The following DCN variants were observed in gnomAD, a reference collection of about 807,000 sequenced individuals.
DCN encodes bone proteoglycan II.
DCN carries 17 observed loss-of-function variants against 36.5 expected under a neutral mutation model. The ratio of observed to expected loss-of-function variants is 0.47; its 90% CI spans 0.32 to 0.70. The LOEUF (loss-of-function observed/expected upper bound fraction) is 0.70. Ranked by LOEUF, DCN falls within the 30% of genes least tolerant of loss-of-function variation. The pLI is 0.04. For missense variants in DCN, 389 were observed against 430.1 expected (o/e 0.90, Z 0.84); for synonymous variants, 163 against 161.4 (o/e 1.01, Z -0.07).
At chr12:91,157,694 T>C (rs1881879203) in intron 4 of DCN, among the ~76,000 whole-genome samples, 1 of 152,208 alleles carries the variant, frequency 6.6e-6, no homozygotes, top group African/African-American at 2.4e-5. Context: ...AGTGGGGCCA[T>C]CTCGGCTCAC....
intron 3 of DCN, among the ~76,000 whole-genome samples, chr12:91,161,339 A>T (rs1882141728): frequency 6.6e-6 from 1 of 152,242 alleles, no homozygotes; most frequent in Non-Finnish European, 1.5e-5. Flanking sequence ...TTCCAAGTAT[A>T]CTTAAATGTA....
intron 5 of DCN, among the ~76,000 whole-genome samples, chr12:91,153,710 A>G (rs1409281580): frequency 6.6e-6 from 1 of 152,114 alleles, no homozygotes; most frequent in Non-Finnish European, 1.5e-5. Context: ...AGCATCAAAT[A>G]CCTCTGCAAA....
chr12:91,171,307 A>G (rs1033842444), intron 2 of DCN, among the ~76,000 whole-genome samples: 1 of 152,350 alleles, frequency 6.6e-6, no homozygotes, highest in South Asian at 2.1e-4. Context: ...CTTTCTCTAC[A>G]TAATACATAA....
rs781652785 is a variant in DCN at position 91,158,346 on chromosome 12, G to A, written c.488C>T (p.Thr163Ile). ...ATTGAAAGTAACTTTTCGCACTTTG[G>A]TGATCTCATTCTCATGGGCACGCAG... ...QELRAHENEI[T>I]KVRKVTFNGL... The change falls in exon 4 of 8, where the codon ACC becomes ATC. Residue 163 changes from threonine (T) to isoleucine (I), a missense_variant. Physicochemically the swap from Thr to Ile is moderately conservative, Grantham distance 89 (BLOSUM62 -1). Transcript: ENST00000052754. The A allele has an allele frequency of 6.2e-6, 10 of 1,613,726 alleles. No individual in the cohort carries two copies. The African/African-American group carries it at 9.3e-5, about 15-fold the overall frequency.
At chr12:91,178,696 T>C in intron 1 of DCN, 111 bp from the exon 2 acceptor site, 1 of 720,810 alleles carries the variant, frequency 1.4e-6, no homozygotes. Context: ...CAAAATAATA[T>C]TTCATTTGTT....
chr12:91,149,802 CAAATA>C (rs374077641), intron 7 of DCN, among the ~76,000 whole-genome samples: 3 of 151,218 alleles, frequency 2.0e-5, no homozygotes, highest in African/African-American at 7.3e-5. Context: ...TAGCAGCAAA[CAAATA>C]AAAAAATTAA....
intron 2 of DCN, among the ~76,000 whole-genome samples, chr12:91,177,963 A>G (rs1883396140): frequency 6.6e-6 from 1 of 152,184 alleles, no homozygotes; most frequent in Non-Finnish European, 1.5e-5. Flanking sequence ...CTTAATATCT[A>G]ATATTTTATA....
chr12:91,177,723 T>G (rs1281999958), intron 2 of DCN: 1 of 695,902 alleles, frequency 1.4e-6, no homozygotes, highest in African/African-American at 1.8e-5. Context: ...TAGTGATAAA[T>G]ATTTCCTTTG....
chr12:91,153,303 A>G (rs1452787104), intron 5 of DCN, 114 bp from the exon 6 acceptor site: 2 of 728,922 alleles, frequency 2.7e-6, no homozygotes, highest in African/African-American at 1.7e-5. Flanking sequence ...CACAGTTTCA[A>G]AGAATCAGCT....
chr12:91,167,879 CG>C (rs1882687403), intron 2 of DCN, among the ~76,000 whole-genome samples: 1 of 152,100 alleles, frequency 6.6e-6, no homozygotes, highest in African/African-American at 2.4e-5. Context: ...CTTGCTCTGT[CG>C]CTCAGCCTGG....
chr12:91,148,752 T>G (rs1267432896), intron 7 of DCN, among the ~76,000 whole-genome samples: 1 of 115,128 alleles, frequency 8.7e-6, no homozygotes, highest in African/African-American at 3.5e-5. Context: ...AAAAAAAATT[T>G]GAAATATTGT....
At chr12:91,157,996 A>G (rs1384655284) in intron 4 of DCN, among the ~76,000 whole-genome samples, 1 of 152,212 alleles carries the variant, frequency 6.6e-6, no homozygotes, top group African/African-American at 2.4e-5. Flanking sequence ...ACGGAAAGGT[A>G]TCTCAAAATA....
At chr12:91,166,530 A>G (rs1220617522) in intron 2 of DCN, among the ~76,000 whole-genome samples, 1 of 152,162 alleles carries the variant, frequency 6.6e-6, no homozygotes, top group Admixed American at 6.5e-5. Context: ...ACATTTTATC[A>G]TTCCTTCTTG....
Position 91,142,993 on chromosome 12 carries a change from T to C in DCN, c.*3065A>G, listed in dbSNP as rs1880800536. The C allele has an allele frequency of 6.6e-6, 1 of 152,176 alleles. No homozygotes were observed. The highest frequency in any genetic ancestry group is 2.4e-5 in the African/African-American group (1 of 41,432). 9.4% of individuals were successfully genotyped at this position (152,176 alleles called of 1,614,324 possible). A position where few individuals can be genotyped will look rare whatever the true frequency, so the allele number is the denominator to read the frequency against. On this transcript the variant is annotated 3_prime_UTR_variant, in exon 8 of 8. Coordinates refer to ENST00000052754, the MANE Select transcript of DCN (RefSeq NM_001920.5). Reference sequence around the variant, plus strand: ...CTTTGCAGATATAATCAAGTTAAGATGGGTTCATACTAAATTAGGGTGAGC... The same window carrying C: ...CTTTGCAGATATAATCAAGTTAAGACGGGTTCATACTAAATTAGGGTGAGC...
Position 91,146,053 on chromosome 12 carries a change from G to A in DCN, c.*5C>T, listed in dbSNP as rs759810024. ...AGGTTATAAAAATGAGGGCTTTCTTGAGAATTACTTATAGTTTCCGAGTTG... is the reference window on the plus strand; with the variant it reads ...AGGTTATAAAAATGAGGGCTTTCTTAAGAATTACTTATAGTTTCCGAGTTG... On this transcript the variant is annotated 3_prime_UTR_variant, in exon 8 of 8. Coordinates refer to ENST00000052754, the MANE Select transcript of DCN (RefSeq NM_001920.5). The A allele has an allele frequency of 6.2e-7, 1 of 1,611,802 alleles. No homozygotes were observed. The highest frequency in any genetic ancestry group is 1.1e-5 in the South Asian group (1 of 91,012).
intron 2 of DCN, chr12:91,175,957 A>G (rs1225980275): frequency 6.6e-6 from 1 of 152,098 alleles, no homozygotes; most frequent in Non-Finnish European, 1.5e-5. Flanking sequence ...ACTATGACCC[A>G]GGTACCTCAC....
intron 7 of DCN, among the ~76,000 whole-genome samples, chr12:91,146,730 C>T (rs1040133963): frequency 6.6e-6 from 1 of 152,182 alleles, no homozygotes; most frequent in Non-Finnish European, 1.5e-5. Flanking sequence ...CTTTTCCCTT[C>T]TTTAGTCTTG....
intron 3 of DCN, among the ~76,000 whole-genome samples, chr12:91,159,367 G>T (rs1882014323): frequency 6.6e-6 from 1 of 152,048 alleles, no homozygotes; most frequent in Admixed American, 6.5e-5. Context: ...ATATCATGTT[G>T]TAGCTCATTG....
intron 3 of DCN, among the ~76,000 whole-genome samples, chr12:91,159,653 T>C (rs946227805): frequency 1.1e-4 from 16 of 152,076 alleles, no homozygotes; most frequent in Non-Finnish European, 2.1e-4. Flanking sequence ...TGGGTAATTA[T>C]TTGATTTTTA....
Sources: gnomAD v4.1 joint callset for allele counts (sites outside exome capture counted in the v4.1 genomes callset) on GRCh38, gnomAD v4.1.1 for gene constraint, MANE v1.5 for transcripts, NCBI Gene and HGNC (gene_info 2026-07-23, HGNC 2026-07-21) for gene names.